The following CLPX variants were observed in gnomAD, a reference collection of about 807,000 sequenced individuals.
CLPX encodes ATP-dependent clpX-like chaperone, mitochondrial.
CLPX carries 34 observed loss-of-function variants against 76.4 expected under a neutral mutation model. That is an observed-to-expected ratio of 0.45 (90% CI 0.34 to 0.59). The LOEUF (loss-of-function observed/expected upper bound fraction) is 0.59. CLPX is among the 20% of genes least tolerant of loss of function. The probability of loss-of-function intolerance (pLI) is 0.01; values close to 1 mark genes in which losing one functional copy is unlikely to be tolerated. For missense variants in CLPX, 613 were observed against 757.0 expected (o/e 0.81, Z 2.23); for synonymous variants, 248 against 270.9 (o/e 0.92, Z 0.83).
chr15:65,185,239 C>A lies in CLPX; in HGVS notation c.-86G>T. 8.6e-7 allele frequency: 1 copy of A among 1,162,296 alleles called. No individual in the cohort carries two copies. 72.0% of individuals were successfully genotyped at this position (1,162,296 alleles called of 1,614,324 possible). On this transcript the variant is annotated 5_prime_UTR_variant, in exon 1 of 14. Transcript: ENST00000300107. Reference sequence around the variant, plus strand: ...ATCCTGCCCGCAAGGCGCGCTGACTCGGTTCCGAACCCTTTCGCGGGCCCT... The same window carrying A: ...ATCCTGCCCGCAAGGCGCGCTGACTAGGTTCCGAACCCTTTCGCGGGCCCT...
chr15:65,159,343 C>A (rs2087825700), intron 6 of CLPX, among the ~76,000 whole-genome samples: 1 of 152,192 alleles, frequency 6.6e-6, no homozygotes, highest in Non-Finnish European at 1.5e-5. Context: ...ATCAGTTTAT[C>A]AGCCAGATTC....
Position 65,155,859 on chromosome 15 carries a change from A to C in CLPX, c.1147-3T>G. ...CCTTCTAGTAGTTTTAATAAGCCCT[A>C]AATAAAGAACAAATGATTTATAGCA... is the stretch of plus-strand genomic sequence containing the variant. On this transcript the variant is annotated splice_region_variant and splice_polypyrimidine_tract_variant and intron_variant, in intron 9 of 13. Coordinates refer to ENST00000300107, the MANE Select transcript of CLPX (RefSeq NM_006660.5). 7 of 1,608,424 alleles carry C rather than the reference A, an allele frequency of 4.4e-6. No individual in the cohort carries two copies. Among genetic ancestry groups the C allele is most frequent in the Non-Finnish European group, 6.0e-6 (7 of 1,175,690 alleles).
At chr15:65,159,898 C>T (rs1468361359) in intron 6 of CLPX, among the ~76,000 whole-genome samples, 7 of 151,640 alleles carry the variant, frequency 4.6e-5, no homozygotes, top group East Asian at 2.0e-4. Flanking sequence ...CTGCAACCTC[C>T]GCCTCCTGGG....
At chr15:65,154,380 C>G (rs558435109) in intron 11 of CLPX, among the ~76,000 whole-genome samples, 2 of 152,154 alleles carry the variant, frequency 1.3e-5, no homozygotes, top group African/African-American at 4.8e-5. Flanking sequence ...GGTATGTGGG[C>G]TAGGTGTTTG....
At chr15:65,176,311 A>G (rs1420010319) in intron 3 of CLPX, among the ~76,000 whole-genome samples, 1 of 152,238 alleles carries the variant, frequency 6.6e-6, no homozygotes, top group Non-Finnish European at 1.5e-5. Context: ...AATGCATAGA[A>G]GGAAAATAAA....
Position 65,153,530 on chromosome 15 carries a change from G to C in CLPX, c.1704+17C>G. Reference sequence around the variant, plus strand: ...AGACCAAGAAATAATTGTTTTTATAGAATAATGCCAACTCACCATTATGGA... The same window carrying C: ...AGACCAAGAAATAATTGTTTTTATACAATAATGCCAACTCACCATTATGGA... On this transcript the variant is annotated intron_variant, in intron 12 of 13. Transcript: ENST00000300107. 2 of 1,483,178 alleles carry C rather than the reference G, an allele frequency of 1.3e-6. No individual in the cohort carries two copies. 91.9% of individuals were successfully genotyped at this position (1,483,178 alleles called of 1,614,324 possible). A position where few individuals can be genotyped will look rare whatever the true frequency, so the allele number is the denominator to read the frequency against.
intron 9 of CLPX, 199 bp downstream of exon 9, chr15:65,156,645 C>A: frequency 2.2e-6 from 1 of 453,682 alleles, no homozygotes; most frequent in Non-Finnish European, 3.9e-6. Flanking sequence ...TTTTAAATTT[C>A]CTAACAAGGT....
chr15:65,182,992 G>A (rs968547840), intron 1 of CLPX, among the ~76,000 whole-genome samples: 2 of 151,226 alleles, frequency 1.3e-5, no homozygotes, highest in African/African-American at 4.9e-5. Context: ...GCAAAATCCC[G>A]TCTCTACTAA....
At chr15:65,177,942 T>C (rs2088111268) in intron 3 of CLPX, among the ~76,000 whole-genome samples, 1 of 152,116 alleles carries the variant, frequency 6.6e-6, no homozygotes, top group Non-Finnish European at 1.5e-5. Context: ...ACTATAGCCA[T>C]GCACCACCAT....
Position 65,180,298 on chromosome 15 carries a change from A to G in CLPX, c.80-94T>C. The G allele has an allele frequency of 3.1e-6, 3 of 964,440 alleles. No homozygotes were observed. The South Asian group carries it at 5.7e-5, about 18-fold the overall frequency. The allele number at this position is 964,440 out of a possible 1,614,324, so 59.7% of individuals were successfully genotyped here. A position where few individuals can be genotyped will look rare whatever the true frequency, so the allele number is the denominator to read the frequency against. ...CTTGAGCATAAAGGAGGTTGAAAAA[A>G]AGCTATCATTTTCACAGTAGTATAA... On this transcript the variant is annotated intron_variant, in intron 1 of 13. Transcript: ENST00000300107.
At chr15:65,172,192 A>G (rs1327190055) in intron 3 of CLPX, among the ~76,000 whole-genome samples, 1 of 151,866 alleles carries the variant, frequency 6.6e-6, no homozygotes, top group East Asian at 1.9e-4. Flanking sequence ...CAAACTCCCA[A>G]CCTCAGGTGA....
At chr15:65,180,289 G>T (rs943514780) in intron 1 of CLPX, 85 bp from the exon 2 acceptor site, 9 of 1,046,340 alleles carry the variant, frequency 8.6e-6, no homozygotes, top group African/African-American at 6.4e-5. Flanking sequence ...CATAAAGGAG[G>T]TTGAAAAAAA....
At chr15:65,173,813 C>T (rs890512049) in intron 3 of CLPX, among the ~76,000 whole-genome samples, 1 of 151,902 alleles carries the variant, frequency 6.6e-6, no homozygotes. Flanking sequence ...TATGAGATAC[C>T]CAGAATAGAC....
In CLPX at chr15:65,180,996, C is replaced by T. The variant is rs962277857; in HGVS notation, c.80-792G>A. On this transcript the variant is annotated intron_variant, in intron 1 of 13. Transcript: ENST00000300107. The stretch of plus-strand genomic sequence containing the variant: ...GGCTCATGCCTGTAATCCCAGGGTT[C>T]GAGACCAGCCTGGCCAACGTGGTGA... Among the ~76,000 whole-genome samples the T allele has an allele frequency of 1.3e-4, 19 of 151,186 alleles. 1 individual carries two copies. The highest frequency in any genetic ancestry group is 1.3e-3 in the Admixed American group (19 of 15,160).
chr15:65,160,623 T>TCTCTCTCTCTCACA (rs1219208926), intron 6 of CLPX, among the ~76,000 whole-genome samples: 10 of 101,028 alleles, frequency 9.9e-5, no homozygotes, highest in African/African-American at 3.8e-4. Flanking sequence ...TCTCTCTCTC[T>TCTCTCTCTCTCACA]CACACACACA....
chr15:65,176,683 C>T (rs1227255033), intron 3 of CLPX, among the ~76,000 whole-genome samples: 2 of 149,358 alleles, frequency 1.3e-5, no homozygotes, highest in African/African-American at 2.5e-5. Flanking sequence ...GCAGCCTCCG[C>T]TTCCTAGGTT....
rs2087881877 is a variant in CLPX, at chr15:65,164,085, G to A, written c.617C>T (p.Pro206Leu). The change falls in exon 5 of 14, where the codon CCA (proline) becomes CTA (leucine). Residue 206 changes from proline to leucine, a missense_variant. Around this residue, in one of 2 missense-constraint regions of CLPX, gnomAD observed 450 missense variants for 638.6 expected, o/e 0.70. Coordinates refer to ENST00000300107, the MANE Select transcript of CLPX (RefSeq NM_006660.5). ...CTCTGCTTGCTGTCTCAGATTAGCT[G>A]GGATATTATTATATATTCTCTTATA... ...NHYKRIYNNIPANLRQQAEVE... is the reference protein window; with the variant it reads ...NHYKRIYNNILANLRQQAEVE... The A allele has an allele frequency of 6.2e-7, 1 of 1,613,078 alleles. No homozygotes were observed. Among genetic ancestry groups the A allele is most frequent in the Admixed American group, 1.7e-5 (1 of 59,944 alleles).
At chr15:65,164,459 AAT>A (rs1365350653) in intron 4 of CLPX, among the ~76,000 whole-genome samples, 2 of 152,184 alleles carry the variant, frequency 1.3e-5, no homozygotes, top group African/African-American at 4.8e-5. Context: ...CAATGCTATC[AAT>A]CTTTATTTTT....
intron 4 of CLPX, among the ~76,000 whole-genome samples, chr15:65,165,533 G>C (rs1012247753): frequency 2.0e-5 from 3 of 151,742 alleles, no homozygotes; most frequent in Non-Finnish European, 4.4e-5. Flanking sequence ...AAAGGCACCC[G>C]CCACCACGCC....
Sources: gnomAD v4.1 joint callset for allele counts (sites outside exome capture counted in the v4.1 genomes callset) on GRCh38, gnomAD v4.1.1 for gene constraint, gnomAD v4.1.1 regional missense constraint, MANE v1.5 for transcripts, NCBI Gene and HGNC (gene_info 2026-07-23, HGNC 2026-07-21) for gene names.